C10orf67: variants seen among roughly 807,000 people sequenced by gnomAD.
C10orf67 encodes uncharacterized protein C10orf67, mitochondrial.
C10orf67 carries 60 observed loss-of-function variants against 35.6 expected under a neutral mutation model. That is an observed-to-expected ratio of 1.68 (90% CI 1.37 to 2.09). C10orf67 has a LOEUF of 2.09. Among genes scored for constraint, C10orf67 ranks in the 30% most tolerant of loss-of-function variants. C10orf67 has a pLI of 0.00. For missense variants in C10orf67, 474 were observed against 330.2 expected (o/e 1.44, Z -3.38); for synonymous variants, 167 against 115.8 (o/e 1.44, Z -2.84).
At chr10:23,253,127 A>T (rs1842504836) in intron 10 of C10orf67, among the ~76,000 whole-genome samples, 1 of 152,234 alleles carries the variant, frequency 6.6e-6, no homozygotes, top group Admixed American at 6.5e-5. Flanking sequence ...CTGAAAGTCC[A>T]TTAAACCCCT....
At chr10:23,205,908 T>A (rs1434534549) in intron 15 of C10orf67, among the ~76,000 whole-genome samples, 1 of 152,230 alleles carries the variant, frequency 6.6e-6, no homozygotes. Context: ...CTTAAAAGAC[T>A]AATGACATTT....
chr10:23,243,002 T>C (rs1333909991), intron 12 of C10orf67, among the ~76,000 whole-genome samples: 2 of 151,870 alleles, frequency 1.3e-5, no homozygotes, highest in African/African-American at 2.4e-5. Flanking sequence ...CATTCAAATA[T>C]AGAAATAAGA....
At chr10:23,243,283 T>C (rs1842229537) in intron 12 of C10orf67, among the ~76,000 whole-genome samples, 1 of 152,192 alleles carries the variant, frequency 6.6e-6, no homozygotes, top group Non-Finnish European at 1.5e-5. Context: ...TTTTGATAGT[T>C]GGATATGATG....
chr10:23,272,236 T>TA, intron 8 of C10orf67, among the ~76,000 whole-genome samples: 1 of 152,206 alleles, frequency 6.6e-6, no homozygotes, highest in Non-Finnish European at 1.5e-5. Flanking sequence ...AAATTTTTGA[T>TA]AAACTGTAAT....
chr10:23,260,317 C>CAA (rs113379558), intron 10 of C10orf67, among the ~76,000 whole-genome samples: 2 of 150,362 alleles, frequency 1.3e-5, no homozygotes, highest in East Asian at 3.9e-4. Flanking sequence ...AAAATAAAGG[C>CAA]AAAAAAAAGG....
At chr10:23,273,509 G>C (rs1843089034) in intron 8 of C10orf67, among the ~76,000 whole-genome samples, 1 of 152,084 alleles carries the variant, frequency 6.6e-6, no homozygotes, top group African/African-American at 2.4e-5. Context: ...AAATCTCATT[G>C]TACTATAGCA....
chr10:23,302,962 T>G (rs1274828422), intron 5 of C10orf67, among the ~76,000 whole-genome samples: 2 of 152,144 alleles, frequency 1.3e-5, no homozygotes, highest in Non-Finnish European at 2.9e-5. Flanking sequence ...CTACTTTGAC[T>G]GCAAAAAAAG....
At chr10:23,302,862 C>A (rs1160861657) in intron 5 of C10orf67, among the ~76,000 whole-genome samples, 1 of 152,094 alleles carries the variant, frequency 6.6e-6, no homozygotes, top group Non-Finnish European at 1.5e-5. Context: ...TGGGATTTTT[C>A]TTCTTGATAT....
chr10:23,266,851 C>T (rs1842894143), intron 9 of C10orf67, among the ~76,000 whole-genome samples: 1 of 152,162 alleles, frequency 6.6e-6, no homozygotes, highest in Non-Finnish European at 1.5e-5. Context: ...TCACTCTCTG[C>T]TCCCTGTTCT....
At chr10:23,247,614 G>T (rs1842350681) in intron 12 of C10orf67, among the ~76,000 whole-genome samples, 1 of 152,076 alleles carries the variant, frequency 6.6e-6, no homozygotes, top group African/African-American at 2.4e-5. Context: ...AGGATATTAT[G>T]AATAACTTTA....
At chr10:23,241,859 A>G (rs775435366) in intron 12 of C10orf67, among the ~76,000 whole-genome samples, 2 of 152,170 alleles carry the variant, frequency 1.3e-5, no homozygotes, top group Non-Finnish European at 2.9e-5. Flanking sequence ...AATGATAACA[A>G]AAGATCAAGG....
chr10:23,321,777 T>A (rs181797641), intron 3 of C10orf67, among the ~76,000 whole-genome samples: 53 of 152,254 alleles, frequency 3.5e-4, no homozygotes, highest in Admixed American at 9.8e-4. Context: ...AATAGTAATG[T>A]CCGTTTGTTT....
chr10:23,326,380 T>C (rs1404714206), intron 2 of C10orf67, among the ~76,000 whole-genome samples: 3 of 152,154 alleles, frequency 2.0e-5, no homozygotes, highest in Non-Finnish European at 4.4e-5. Context: ...AGAGCAATTG[T>C]AAAGTGAGAA....
At chr10:23,263,443 G>A (rs1390350464) in intron 10 of C10orf67, among the ~76,000 whole-genome samples, 3 of 151,966 alleles carry the variant, frequency 2.0e-5, no homozygotes, top group African/African-American at 2.4e-5. Context: ...TCATAACTGC[G>A]AAATAGTTGC....
intron 5 of C10orf67, among the ~76,000 whole-genome samples, chr10:23,299,846 C>T (rs1054350534): frequency 3.9e-5 from 6 of 152,052 alleles, no homozygotes; most frequent in South Asian, 2.1e-4. Flanking sequence ...GGTGTGGTGG[C>T]GGGCGCCTGT....
Position 23,212,526 on chromosome 10 carries a change from A to AAACAAC in C10orf67, c.1571-8277_1571-8272dup, listed in dbSNP as rs374777502. On this transcript the variant is annotated intron_variant, in intron 15 of 15. Transcript: ENST00000636213. ...GAAGCTTTAATGAAAGAAAGTTGAG[A>AAACAAC]AACAACAACAACAACAACAGTTTTT... Among the ~76,000 whole-genome samples the AAACAAC allele has an allele frequency of 2.0e-3, 299 of 152,220 alleles. 3 individuals are homozygous for AAACAAC. Among genetic ancestry groups the AAACAAC allele is most frequent in the African/African-American group, 5.7e-3 (236 of 41,528 alleles).
At chr10:23,288,525 C>T (rs969622812) in intron 7 of C10orf67, among the ~76,000 whole-genome samples, 2 of 152,114 alleles carry the variant, frequency 1.3e-5, no homozygotes, top group Non-Finnish European at 2.9e-5. Context: ...GTGCAACAAA[C>T]CACCATGGCA....
intron 10 of C10orf67, among the ~76,000 whole-genome samples, chr10:23,265,712 G>A (rs932407387): frequency 6.6e-6 from 1 of 152,236 alleles, no homozygotes; most frequent in Admixed American, 6.5e-5. Flanking sequence ...TGAGCTGAGT[G>A]TCTCAGAGCT....
intron 2 of C10orf67, among the ~76,000 whole-genome samples, chr10:23,323,952 T>TATATATATATATATATATATATATATAC: frequency 1.5e-5 from 1 of 64,700 alleles, no homozygotes; most frequent in African/African-American, 5.4e-5. Flanking sequence ...TATATATATA[T>TATATATATATATATATATATATATATAC]ACACACACAC....
Sources: gnomAD v4.1 joint callset for allele counts (sites outside exome capture counted in the v4.1 genomes callset) on GRCh38, gnomAD v4.1.1 for gene constraint, MANE v1.5 for transcripts, NCBI Gene and HGNC (gene_info 2026-07-23, HGNC 2026-07-21) for gene names.